WIPF1: variants seen among roughly 807,000 people sequenced by gnomAD.
WIPF1 encodes the protein WAS/WASL interacting protein family member 1, also known as WAS/WASL-interacting protein family member 1.
A neutral mutation model predicts 35.4 loss-of-function variants in WIPF1; 13 were observed. The ratio of observed to expected loss-of-function variants is 0.37; its 90% CI spans 0.24 to 0.58. WIPF1 has a LOEUF of 0.58. Among genes scored for constraint, WIPF1 ranks in the 20% least tolerant of loss-of-function variants. The probability of loss-of-function intolerance (pLI) is 0.74; values close to 1 mark genes in which losing one functional copy is unlikely to be tolerated. For synonymous variants in WIPF1, 267 were observed against 266.3 expected (o/e 1.00, Z -0.02); for missense variants, 591 against 667.0 (o/e 0.89, Z 1.25).
At chr2:174,637,676 A>T (rs1409043598) in intron 1 of WIPF1, among the ~76,000 whole-genome samples, 1 of 152,204 alleles carries the variant, frequency 6.6e-6, no homozygotes, top group Non-Finnish European at 1.5e-5. Context: ...AGTCCCAGCT[A>T]CTTGGGAGGC....
chr2:174,624,710 T>C (rs1164461144), intron 1 of WIPF1, among the ~76,000 whole-genome samples: 9 of 152,290 alleles, frequency 5.9e-5, no homozygotes, highest in Non-Finnish European at 1.0e-4. Flanking sequence ...CCTTTAGTTG[T>C]TGAATTATGG....
chr2:174,575,968 C>T, intron 3 of WIPF1, among the ~76,000 whole-genome samples: 1 of 151,216 alleles, frequency 6.6e-6, no homozygotes, highest in South Asian at 2.1e-4. Context: ...ATACAAATAT[C>T]CAGGCTAGGC....
chr2:174,678,382 T>C (rs1688178041), intron 1 of WIPF1, among the ~76,000 whole-genome samples: 1 of 152,230 alleles, frequency 6.6e-6, no homozygotes, highest in African/African-American at 2.4e-5. Flanking sequence ...TTTAGCTACA[T>C]TTTTATTTTA....
chr2:174,676,291 C>T (rs1688128999), intron 1 of WIPF1: 1 of 143,984 alleles, frequency 6.9e-6, no homozygotes, highest in Non-Finnish European at 1.5e-5. Flanking sequence ...TCCCTCCCTC[C>T]CTTCCTTCCT....
At chr2:174,624,681 G>C (rs1029817295) in intron 1 of WIPF1, among the ~76,000 whole-genome samples, 1 of 152,228 alleles carries the variant, frequency 6.6e-6, no homozygotes, top group African/African-American at 2.4e-5. Flanking sequence ...GGGGCACCCT[G>C]TGCTGTGCTG....
intron 1 of WIPF1, among the ~76,000 whole-genome samples, chr2:174,631,559 G>A (rs1311446590): frequency 6.6e-6 from 1 of 152,108 alleles, no homozygotes; most frequent in Non-Finnish European, 1.5e-5. Context: ...TATACTTAAC[G>A]CTACTGAACT....
chr2:174,669,249 T>C (rs563410193), intron 1 of WIPF1, among the ~76,000 whole-genome samples: 3 of 152,340 alleles, frequency 2.0e-5, no homozygotes, highest in South Asian at 2.1e-4. Context: ...AGACCCCTTA[T>C]GTTCCCATGC....
chr2:174,658,991 G>A lies in WIPF1; in HGVS notation c.-39+23783C>T, dbSNP rs116839610. Among the ~76,000 whole-genome samples the A allele has an allele frequency of 5.8e-3, 885 of 152,126 alleles. 11 individuals are homozygous for A. The highest frequency in any genetic ancestry group is 0.021 in the African/African-American group (861 of 41,478). Reference sequence around the variant, plus strand: ...GCCTCTGTTTCAATATCTGGAAAATGGAGATAATATCTACTGTACACAGAC... The same window carrying A: ...GCCTCTGTTTCAATATCTGGAAAATAGAGATAATATCTACTGTACACAGAC... On this transcript the variant is annotated intron_variant, in intron 1 of 8. Transcript: ENST00000272746.
At chr2:174,577,795 T>C (rs953162074) in intron 3 of WIPF1, among the ~76,000 whole-genome samples, 11 of 151,994 alleles carry the variant, frequency 7.2e-5, no homozygotes, top group Middle Eastern at 3.2e-3. Context: ...GGTGCATGCC[T>C]GTAGTCCCAG....
At chr2:174,648,873 G>C (rs1453397082) in intron 1 of WIPF1, among the ~76,000 whole-genome samples, 1 of 152,198 alleles carries the variant, frequency 6.6e-6, no homozygotes, top group Non-Finnish European at 1.5e-5. Flanking sequence ...TGTCATTAAT[G>C]ACAGACTGCC....
At position 174,659,873 on chromosome 2, in the gene WIPF1, C is replaced by T. The variant is rs570294243; in HGVS notation, c.-39+22901G>A. Reference sequence around the variant, plus strand: ...AGAAGGCATTCCAAGCAGTGCCTTTCCACCGTGGCCTGGGAGTAGGGTCAA... The same window carrying T: ...AGAAGGCATTCCAAGCAGTGCCTTTTCACCGTGGCCTGGGAGTAGGGTCAA... On this transcript the variant is annotated intron_variant, in intron 1 of 8. Transcript: ENST00000272746. Among the ~76,000 whole-genome samples the T allele has an allele frequency of 2.0e-5, 3 of 152,318 alleles. No homozygotes were observed. The South Asian group carries it at 6.2e-4, about 32-fold the overall frequency.
chr2:174,568,028 G>A lies in WIPF1; in HGVS notation c.1175C>T (p.Ser392Phe). 1 of 1,613,696 alleles carries A rather than the reference G, an allele frequency of 6.2e-7. No homozygotes were observed. The highest frequency in any genetic ancestry group is 2.2e-5 in the East Asian group (1 of 44,884). The change falls in exon 6 of 8, where the codon TCT becomes TTT. Residue 392 changes from serine to phenylalanine, a missense_variant. This residue lies in a region of WIPF1 where 117 missense variants were observed against 149.6 expected (regional missense o/e 0.78). Transcript: ENST00000679041. ...CTGAGGGGTAGCAGGCAGGGCCCGA[G>A]ATGTGCTGCCGTTTCTGCTTACTGG... ...PPPVSRNGSTSRALPATPQLP... is the reference protein window; with the variant it reads ...PPPVSRNGSTFRALPATPQLP...
intron 1 of WIPF1, among the ~76,000 whole-genome samples, chr2:174,633,010 T>G (rs1687074772): frequency 6.6e-6 from 1 of 152,168 alleles, no homozygotes. Context: ...CAGGCATTTG[T>G]GCAAAGGGCT....
chr2:174,605,370 G>A (rs1380927980), intron 1 of WIPF1, among the ~76,000 whole-genome samples: 3 of 152,118 alleles, frequency 2.0e-5, no homozygotes, highest in African/African-American at 7.2e-5. Flanking sequence ...CCCGGAAGGC[G>A]GAGGTTACAG....
Position 174,562,542 on chromosome 2 carries a change from A to G in WIPF1, c.*5T>C, listed in dbSNP as rs1239345966. On this transcript the variant is annotated 3_prime_UTR_variant, in exon 8 of 8. Transcript: ENST00000679041. ...TGAGCTTGGGTAGAGAAGAGCAGGC[A>G]AAGATCACCTCGGGATGGGAGGGAG... 4 of 1,614,116 alleles carry G rather than the reference A, an allele frequency of 2.5e-6. No individual in the cohort carries two copies. The highest frequency in any genetic ancestry group is 3.4e-6 in the Non-Finnish European group (4 of 1,180,036).
At chr2:174,585,996 A>G (rs1367088364) in intron 1 of WIPF1, among the ~76,000 whole-genome samples, 1 of 152,192 alleles carries the variant, frequency 6.6e-6, no homozygotes, top group East Asian at 1.9e-4. Context: ...GCTAATTTCC[A>G]TGACAATCCT....
chr2:174,653,741 CAA>C (rs1175251483), intron 1 of WIPF1, among the ~76,000 whole-genome samples: 21 of 57,874 alleles, frequency 3.6e-4, no homozygotes, highest in East Asian at 5.5e-4. Flanking sequence ...GCCTCTGTCT[CAA>C]AAAAAAAAAA....
intron 7 of WIPF1, chr2:174,566,454 A>C (rs1256064885): frequency 6.6e-6 from 1 of 152,242 alleles, no homozygotes; most frequent in African/African-American, 2.4e-5. Flanking sequence ...TGCTGAAATA[A>C]AAACCATGTG....
At chr2:174,563,988 A>G (rs573302827) in intron 7 of WIPF1, among the ~76,000 whole-genome samples, 2 of 152,320 alleles carry the variant, frequency 1.3e-5, no homozygotes, top group Admixed American at 1.3e-4. Flanking sequence ...ACTCATCTGG[A>G]TGTAAACCAG....
Sources: allele counts gnomAD v4.1 joint callset (sites outside exome capture counted in the v4.1 genomes callset), GRCh38; gene constraint gnomAD v4.1.1; regional missense constraint gnomAD v4.1.1; transcripts MANE v1.5; gene names NCBI Gene and HGNC (gene_info 2026-07-23, HGNC 2026-07-21).